SARAF: variants seen among roughly 807,000 people sequenced by gnomAD.
SARAF encodes the protein store-operated calcium entry associated regulatory factor, also known as store-operated calcium entry-associated regulatory factor.
In SARAF, 23 loss-of-function variants were observed where a neutral mutation model predicts 39.7. The observed-to-expected ratio is 0.58, with a 90% CI of 0.42 to 0.82. The LOEUF is 0.82. Among genes scored for constraint, SARAF ranks in the 40% least tolerant of loss-of-function variants. SARAF has a pLI of 0.00. For synonymous variants in SARAF, 175 were observed against 168.5 expected, an observed-to-expected ratio of 1.04 and a Z score of -0.30; for missense variants, 384 against 418.5, an observed-to-expected ratio of 0.92 and a Z score of 0.72.
Position 30,082,677 on chromosome 8 carries a change from G to A in SARAF, c.103+170C>T. On this transcript the variant is annotated intron_variant, in intron 1 of 5. Transcript: ENST00000256255. ...TCCCTACCCGCCTCCCAAGACGCCT[G>A]GGAAGAGCAGTGGAACCAGGGAGAG... 5.6e-6 allele frequency: 3 copies of A among 535,576 alleles called. No individual in the cohort carries two copies. In the South Asian group the frequency reaches 7.6e-5, roughly 13 times the overall value. 33.2% of individuals were successfully genotyped at this position (535,576 alleles called of 1,614,324 possible). A position where few individuals can be genotyped will look rare whatever the true frequency, so the allele number is the denominator to read the frequency against.
In SARAF at chr8:30,069,671, G is replaced by A. The variant is rs1801783652; in HGVS notation, c.671C>T (p.Pro224Leu). Residue 224 changes from proline to leucine, a missense_variant, in exon 3 of 6, where the codon CCT (proline) becomes CTT (leucine). Transcript: ENST00000256255. ...GAACTCAGACTTAAAGCCTGGGGGA[G>A]GAGGTCCTGCTGAGTTGGTGAATCT... is the stretch of plus-strand genomic sequence containing the variant. ...YQRFTNSAGPPPPGFKSEFTG... is the reference protein window; with the variant it reads ...YQRFTNSAGPLPPGFKSEFTG... 3 of 1,614,108 alleles carry A rather than the reference G, an allele frequency of 1.9e-6. No homozygotes were observed. Among genetic ancestry groups the A allele is most frequent in the East Asian group, 2.2e-5 (1 of 44,880 alleles).
intron 3 of SARAF, among the ~76,000 whole-genome samples, chr8:30,067,959 C>G (rs984942893): frequency 2.0e-5 from 3 of 152,158 alleles, no homozygotes; most frequent in Non-Finnish European, 4.4e-5. Context: ...TCCAGTCACT[C>G]TACATTCTTG....
At chr8:30,067,092 T>A (rs528651259) in intron 3 of SARAF, 174 bp from the exon 4 acceptor site, 3 of 677,044 alleles carry the variant, frequency 4.4e-6, no homozygotes, top group Non-Finnish European at 7.3e-6. Context: ...TGGTTTATAA[T>A]GAGGGAGAGC....
rs1414351332 is a variant in SARAF at position 30,077,127 on chromosome 8, C to G, written c.104-3072G>C. Among the ~76,000 whole-genome samples, 6 of 152,128 alleles carry G rather than the reference C, an allele frequency of 3.9e-5. No individual in the cohort carries two copies. In the East Asian group the frequency reaches 9.6e-4, roughly 24 times the overall value. ...GGGATACTCAGAGAAAAAACAAGAG[C>G]TTTTGGAAATTAAAAACAGGACAGC... On this transcript the variant is annotated intron_variant, in intron 1 of 5. Transcript: ENST00000256255.
At chr8:30,079,479 A>T (rs1802051899) in intron 1 of SARAF, among the ~76,000 whole-genome samples, 1 of 152,248 alleles carries the variant, frequency 6.6e-6, no homozygotes, top group Admixed American at 6.5e-5. Flanking sequence ...CTACCTCCTC[A>T]TACATAAAAA....
chr8:30,073,660 C>T (rs1050852532), intron 2 of SARAF: 4 of 448,390 alleles, frequency 8.9e-6, no homozygotes, highest in Non-Finnish European at 1.2e-5. Context: ...AAGGAGGTCA[C>T]GATACAAAAA....
At chr8:30,071,845 C>T (rs1244629210) in intron 2 of SARAF, among the ~76,000 whole-genome samples, 6 of 151,892 alleles carry the variant, frequency 4.0e-5, no homozygotes, top group African/African-American at 1.5e-4. Context: ...TTTTATTTAT[C>T]GTTCATTAGT....
chr8:30,070,128 G>A (rs1317522949), intron 2 of SARAF, 69 bp from the exon 3 acceptor site: 48 of 1,401,234 alleles, frequency 3.4e-5, no homozygotes, highest in South Asian at 8.3e-5. Flanking sequence ...GTTACTTGGG[G>A]GCCGGGCGCA....
intron 5 of SARAF, 149 bp from the exon 6 acceptor site, chr8:30,064,062 A>C: frequency 1.5e-6 from 1 of 663,048 alleles, no homozygotes; most frequent in South Asian, 1.9e-5. Context: ...TGGGCTAAGC[A>C]GGACAGTGCA....
rs1240248914 is a variant in SARAF at position 30,064,559 on chromosome 8, A to ATTTTTTTTT, written c.995-647_995-646insAAAAAAAAA. Among the ~76,000 whole-genome samples, 21 of 50,014 alleles carry ATTTTTTTTT rather than the reference A, an allele frequency of 4.2e-4. 1 individual carries two copies. The highest frequency in any genetic ancestry group is 9.6e-4 in the Admixed American group (3 of 3,132). 32.8% of individuals were successfully genotyped at this position (50,014 alleles called of 152,430 possible). A position where few individuals can be genotyped will look rare whatever the true frequency, so the allele number is the denominator to read the frequency against. On this transcript the variant is annotated intron_variant, in intron 5 of 5. Coordinates refer to ENST00000256255, the MANE Select transcript of SARAF (RefSeq NM_016127.6). ...CATATATATATATATATATATATAT[A>ATTTTTTTTT]TATTTTTTTTTTTTTTTTTTGAGAC...
chr8:30,071,360 GAA>G (rs1224182671), intron 2 of SARAF, among the ~76,000 whole-genome samples: 5 of 152,194 alleles, frequency 3.3e-5, no homozygotes, highest in African/African-American at 1.2e-4. Context: ...CAAAAAAAAT[GAA>G]AAAAGACACA....
In SARAF at chr8:30,066,733, C is replaced by T. The variant is rs781121529; in HGVS notation, c.842+44G>A. On this transcript the variant is annotated intron_variant, in intron 4 of 5. Transcript: ENST00000256255. ...GCAGTTAAATTGTAAGCAAAACAAGCCTCTTGAATTAAAGAGCAAGTGAGA... is the reference window on the plus strand; with the variant it reads ...GCAGTTAAATTGTAAGCAAAACAAGTCTCTTGAATTAAAGAGCAAGTGAGA... 5.7e-6 allele frequency: 9 copies of T among 1,573,598 alleles called. No individual in the cohort carries two copies. In the East Asian group the frequency reaches 2.0e-4, roughly 35 times the overall value.
At chr8:30,073,201 A>T (rs115872418) in intron 2 of SARAF, among the ~76,000 whole-genome samples, 20 of 152,242 alleles carry the variant, frequency 1.3e-4, no homozygotes, top group Non-Finnish European at 2.5e-4. Context: ...AATCGTCAAC[A>T]TAAGTTTCTT....
upstream of SARAF, chr8:30,083,205 T>C (rs767148128): frequency 2.2e-5 from 8 of 358,566 alleles, no homozygotes; most frequent in Non-Finnish European, 2.6e-5. Context: ...GGCGAGGCGG[T>C]GTGGGCGGGG....
chr8:30,082,619 T>G (rs1802131724), intron 1 of SARAF: 1 of 449,184 alleles, frequency 2.2e-6, no homozygotes, highest in Non-Finnish European at 4.0e-6. Context: ...ACCTTAAGGA[T>G]CTCCAGCCGT....
rs1285474401 is a variant in SARAF, at chr8:30,064,549, A to ATTTTTTTT, written c.995-637_995-636insAAAAAAAA. ...CTTACCTAGCCATATATATATATAT[A>ATTTTTTTT]TATATATATATATTTTTTTTTTTTT... is the stretch of plus-strand genomic sequence containing the variant. On this transcript the variant is annotated intron_variant, in intron 5 of 5. Coordinates refer to ENST00000256255, the MANE Select transcript of SARAF (RefSeq NM_016127.6). Among the ~76,000 whole-genome samples, 23 of 43,820 alleles carry ATTTTTTTT rather than the reference A, an allele frequency of 5.2e-4. 2 individuals are homozygous for ATTTTTTTT. The highest frequency in any genetic ancestry group is 7.9e-4 in the African/African-American group (7 of 8,806). The allele number at this position is 43,820 out of a possible 152,430, so 28.7% of individuals were successfully genotyped here. A position where few individuals can be genotyped will look rare whatever the true frequency, so the allele number is the denominator to read the frequency against.
At chr8:30,075,144 T>C (rs1801928197) in intron 1 of SARAF, among the ~76,000 whole-genome samples, 3 of 151,874 alleles carry the variant, frequency 2.0e-5, no homozygotes, top group Admixed American at 2.0e-4. Flanking sequence ...CTACTAAATA[T>C]ACAAAATTAG....
intron 1 of SARAF, among the ~76,000 whole-genome samples, chr8:30,076,710 T>G (rs996059479): frequency 1.3e-5 from 2 of 152,184 alleles, no homozygotes; most frequent in Non-Finnish European, 2.9e-5. Flanking sequence ...CTGGGTTAGT[T>G]ATCGCAGGAG....
chr8:30,082,917 C>T lies in SARAF; in HGVS notation c.33G>A (p.Gly11=), dbSNP rs1261846592. The T allele has an allele frequency of 6.5e-7, 1 of 1,550,292 alleles. No homozygotes were observed. The highest frequency in any genetic ancestry group is 8.7e-7 in the Non-Finnish European group (1 of 1,148,784). ...AATGCAAGCCGAGGAGCAAGCAGTA[C>T]CCGGCCGCTCCCGGCCCGCAGGCTG... MAAACGPGAA[G]YCLLLGLHLF... Residue 11 remains glycine, a synonymous_variant, in exon 1 of 6, where the codon GGG becomes GGA. Transcript: ENST00000256255.
Sources: allele counts gnomAD v4.1 joint callset (sites outside exome capture counted in the v4.1 genomes callset), GRCh38; gene constraint gnomAD v4.1.1; transcripts MANE v1.5; gene names NCBI Gene and HGNC (gene_info 2026-07-23, HGNC 2026-07-21).